The following TSHZ2 variants were observed in gnomAD, a reference collection of about 807,000 sequenced individuals.
The protein encoded by TSHZ2 is teashirt zinc finger homeobox 2.
A neutral mutation model predicts 74.4 loss-of-function variants in TSHZ2; 21 were observed. The ratio of observed to expected loss-of-function variants is 0.28; its 90% CI spans 0.20 to 0.41. The LOEUF (loss-of-function observed/expected upper bound fraction) is 0.41, where lower values mean the gene tolerates loss of function less well. TSHZ2 is among the 10% of genes least tolerant of loss of function. TSHZ2 has a pLI of 1.00. For synonymous variants in TSHZ2, 540 were observed against 515.3 expected (o/e 1.05, Z -0.65); for missense variants, 1,244 against 1,293.5 (o/e 0.96, Z 0.59).
At chr20:53,306,580 C>T (rs1568861188) in intron 2 of TSHZ2, among the ~76,000 whole-genome samples, 2 of 151,860 alleles carry the variant, frequency 1.3e-5, no homozygotes, top group African/African-American at 2.4e-5. Flanking sequence ...CATGAAACCT[C>T]GCGGAGGAAA....
chr20:53,100,070 G>A lies in TSHZ2; in HGVS notation c.40+126737G>A, dbSNP rs1015355940. ...CTGCTGAATACTGGCTGTTGGTGGT[G>A]ATTCAGTGGCTAAGATTTGACCCCA... On this transcript the variant is annotated intron_variant, in intron 1 of 2. Coordinates refer to ENST00000371497, the MANE Select transcript of TSHZ2 (RefSeq NM_173485.6). 9.9e-5 allele frequency among the ~76,000 whole-genome samples: 15 copies of A among 152,248 alleles called. 2 individuals carry two copies. The highest frequency in any genetic ancestry group is 3.4e-4 in the African/African-American group (14 of 41,536).
intron 2 of TSHZ2, among the ~76,000 whole-genome samples, chr20:53,288,151 T>C (rs750650803): frequency 2.0e-5 from 3 of 152,088 alleles, no homozygotes; most frequent in Non-Finnish European, 4.4e-5. Flanking sequence ...CTGTAATCCC[T>C]CCTGCACTTT....
intron 1 of TSHZ2, among the ~76,000 whole-genome samples, chr20:53,036,069 C>A (rs1407855293): frequency 1.3e-5 from 2 of 152,136 alleles, no homozygotes; most frequent in Non-Finnish European, 2.9e-5. Context: ...TCCTCTAACT[C>A]AATGACTAAT....
intron 2 of TSHZ2, among the ~76,000 whole-genome samples, chr20:53,378,613 A>C (rs1301343294): frequency 6.6e-6 from 1 of 152,184 alleles, no homozygotes; most frequent in Admixed American, 6.5e-5. Flanking sequence ...GCTTCATCTG[A>C]AAATTAAATC....
Position 53,453,696 on chromosome 20 carries a change from C to A in TSHZ2, c.*9-33448C>A, listed in dbSNP as rs368414039. On this transcript the variant is annotated intron_variant, in intron 2 of 2. Coordinates refer to ENST00000371497, the MANE Select transcript of TSHZ2 (RefSeq NM_173485.6). Reference sequence around the variant, plus strand: ...GCAGATATTGGGGGAATCCTTCATACAAACATTTCTGTGACCACTCATTTA... The same window carrying A: ...GCAGATATTGGGGGAATCCTTCATAAAAACATTTCTGTGACCACTCATTTA... 1.3e-3 allele frequency among the ~76,000 whole-genome samples: 202 copies of A among 152,332 alleles called. 1 individual carries two copies. Among genetic ancestry groups the A allele is most frequent in the African/African-American group, 4.3e-3 (179 of 41,574 alleles).
Position 53,256,257 on chromosome 20 carries a change from C to A in TSHZ2, c.2799C>A (p.Ser933=). ...HPIFYCSDCA[S]QFRTPSTYIS... is the part of the protein sequence containing the mutation. ...TCTTTTATTGCAGTGACTGTGCCTC[C>A]CAGTTCAGAACCCCTTCTACCTACA... Residue 933 remains serine, a synonymous_variant, in exon 2 of 3, where the codon TCC becomes TCA. Transcript: ENST00000371497. This position sits in a 1 kb window ranked among gnomAD's most constrained non-coding sequence, Gnocchi z 4.3. The A allele has an allele frequency of 6.2e-7, 1 of 1,614,056 alleles. No homozygotes were observed. The highest frequency in any genetic ancestry group is 8.5e-7 in the Non-Finnish European group (1 of 1,179,978).
intron 2 of TSHZ2, among the ~76,000 whole-genome samples, chr20:53,283,914 A>G (rs1190287937): frequency 1.3e-5 from 2 of 152,236 alleles, no homozygotes; most frequent in Non-Finnish European, 2.9e-5. Flanking sequence ...GAATGAATAG[A>G]AACCTGTGCT....
intron 2 of TSHZ2, among the ~76,000 whole-genome samples, chr20:53,364,521 G>T (rs557765032): frequency 3.0e-4 from 46 of 152,312 alleles, no homozygotes; most frequent in African/African-American, 1.1e-3. Flanking sequence ...TCACAGATTA[G>T]GATTACCCAG....
chr20:53,225,933 G>A (rs1989674787), intron 1 of TSHZ2, among the ~76,000 whole-genome samples: 2 of 152,050 alleles, frequency 1.3e-5, no homozygotes, highest in Non-Finnish European at 2.9e-5. Flanking sequence ...ATTCTACTAT[G>A]GATGTATTTA....
intron 2 of TSHZ2, among the ~76,000 whole-genome samples, chr20:53,342,383 C>T (rs563147296): frequency 6.7e-6 from 1 of 148,946 alleles, no homozygotes; most frequent in African/African-American, 2.5e-5. Flanking sequence ...ATTTAATCCT[C>T]ATATAAACCT....
intron 1 of TSHZ2, among the ~76,000 whole-genome samples, chr20:53,021,155 C>T (rs763226895): frequency 3.3e-5 from 5 of 152,180 alleles, no homozygotes; most frequent in South Asian, 2.1e-4. Flanking sequence ...CTTCCCCTAA[C>T]GCTGTGGAAT....
At chr20:52,981,181 G>A (rs964044656) in intron 1 of TSHZ2, among the ~76,000 whole-genome samples, 20 of 152,148 alleles carry the variant, frequency 1.3e-4, no homozygotes, top group African/African-American at 4.3e-4. Context: ...ATGGAACAGC[G>A]GAGTAAGGGC....
chr20:53,016,251 C>G (rs1476515451), intron 1 of TSHZ2, among the ~76,000 whole-genome samples: 1 of 152,162 alleles, frequency 6.6e-6, no homozygotes, highest in Non-Finnish European at 1.5e-5. Flanking sequence ...TTCTCTTCCT[C>G]CTCCCTTCCC....
intron 2 of TSHZ2, among the ~76,000 whole-genome samples, chr20:53,364,727 G>T (rs1398358019): frequency 1.3e-5 from 2 of 152,272 alleles, no homozygotes; most frequent in Non-Finnish European, 2.9e-5. Flanking sequence ...GAGTGCCGGG[G>T]CTTGGCATGG....
At chr20:53,142,914 T>C (rs1376941578) in intron 1 of TSHZ2, among the ~76,000 whole-genome samples, 1 of 152,090 alleles carries the variant, frequency 6.6e-6, no homozygotes, top group Non-Finnish European at 1.5e-5. Flanking sequence ...AAATAGCGTG[T>C]TTTTTGCTTA....
intron 1 of TSHZ2, among the ~76,000 whole-genome samples, chr20:53,051,451 G>GCACACA (rs1289924266): frequency 1.7e-4 from 15 of 87,494 alleles, no homozygotes; most frequent in East Asian, 5.4e-4. Context: ...TTACTCTGTG[G>GCACACA]CGCACGCACA....
chr20:53,021,576 A>G (rs907960099), intron 1 of TSHZ2, among the ~76,000 whole-genome samples: 4 of 152,236 alleles, frequency 2.6e-5, no homozygotes, highest in African/African-American at 9.6e-5. Context: ...ATTTCTTCCA[A>G]TAATTTCCCC....
chr20:53,207,812 G>T (rs1192744156), intron 1 of TSHZ2, among the ~76,000 whole-genome samples: 9 of 147,532 alleles, frequency 6.1e-5, no homozygotes, highest in African/African-American at 2.3e-4. Context: ...TAGTATAATA[G>T]TTAGGGCTAC....
intron 2 of TSHZ2, among the ~76,000 whole-genome samples, chr20:53,445,517 C>T (rs1984514427): frequency 6.6e-6 from 1 of 152,190 alleles, no homozygotes; most frequent in African/African-American, 2.4e-5. Flanking sequence ...CCCTGTTTCC[C>T]AACCTCATTA....
Sources: allele counts gnomAD v4.1 joint callset (sites outside exome capture counted in the v4.1 genomes callset), GRCh38; gene constraint gnomAD v4.1.1; non-coding constraint Gnocchi (gnomAD v3.1); transcripts MANE v1.5; gene names NCBI Gene and HGNC (gene_info 2026-07-23, HGNC 2026-07-21).